ARHGAP19: variants seen among roughly 807,000 people sequenced by gnomAD.
ARHGAP19 encodes rho GTPase-activating protein 19.
In ARHGAP19, 48 loss-of-function variants were observed where a neutral mutation model predicts 60.9. The ratio of observed to expected loss-of-function variants is 0.79; its 90% confidence interval spans 0.62 to 1.00. The LOEUF (loss-of-function observed/expected upper bound fraction) is 1.00, where lower values mean the gene tolerates loss of function less well. ARHGAP19 is among the 50% of genes least tolerant of loss of function. The pLI is 0.00. For missense variants in ARHGAP19, 562 were observed against 597.2 expected, an observed-to-expected ratio of 0.94 and a Z score of 0.61; for synonymous variants, 209 against 215.5, an observed-to-expected ratio of 0.97 and a Z score of 0.27.
intron 6 of ARHGAP19, among the ~76,000 whole-genome samples, chr10:97,254,661 C>A (rs1403773038): frequency 6.6e-6 from 1 of 152,004 alleles, no homozygotes; most frequent in Non-Finnish European, 1.5e-5. Context: ...AAGGCACAGG[C>A]AACAAGAGAA....
Position 97,265,957 on chromosome 10 carries a change from C to T in ARHGAP19, c.225G>A (p.Glu75=), listed in dbSNP as rs1842893280. 2 of 1,614,042 alleles carry T rather than the reference C, an allele frequency of 1.2e-6. No homozygotes were observed. The highest frequency in any genetic ancestry group is 1.7e-6 in the Non-Finnish European group (2 of 1,180,036). ...ITRLIDLPGT[E]LAQLMGEVDL... ...CCACTTCCCCCATCAGCTGAGCCAA[C>T]TCAGTTCCAGGTAAATCGATGAGCC... The change falls in exon 2 of 12, where the codon GAG becomes GAA. Residue 75 remains glutamate, a synonymous_variant. Transcript: ENST00000358531.
At position 97,244,096 on chromosome 10, in the gene ARHGAP19, G is replaced by A. The variant is rs41284266; in HGVS notation, c.1057C>T (p.Arg353Trp). The change falls in exon 8 of 12, where the codon CGG becomes TGG. Residue 353 changes from arginine to tryptophan, a missense_variant. Arg to Trp is a moderately radical substitution (Grantham distance 101, BLOSUM62 -3). Transcript: ENST00000358531. ...KSFQLAKSQK[R>W]NRVDSCPHQE... ...TGAGGGCAGGAATCTACCCGGTTCC[G>A]TTTCTGAGACTTTGCCAGCTGAAAG... The A allele has an allele frequency of 2.1e-4, 342 of 1,613,932 alleles. 5 individuals are homozygous for A. In the South Asian group the frequency reaches 3.5e-3, roughly 17 times the overall value.
chr10:97,244,221 T>C (rs1429556525), intron 7 of ARHGAP19, 62 bp from the exon 8 acceptor site: 5 of 1,413,076 alleles, frequency 3.5e-6, no homozygotes, highest in East Asian at 2.3e-5. Flanking sequence ...TTGGGGTTCT[T>C]ACAAAAACCT....
chr10:97,257,027 A>G (rs1001617277), intron 5 of ARHGAP19, among the ~76,000 whole-genome samples: 22 of 152,122 alleles, frequency 1.4e-4, no homozygotes, highest in African/African-American at 5.1e-4. Context: ...AGGCTGAGGC[A>G]GGAGAATGGC....
Position 97,241,775 on chromosome 10 carries a change from C to T in ARHGAP19, c.1185+2193G>A, listed in dbSNP as rs571611842. ...CTATAATCCCAGCACTTTGGGAGGCCGAGGTGGGCGGATCACAAGGTTAGG... is the reference window on the plus strand; with the variant it reads ...CTATAATCCCAGCACTTTGGGAGGCTGAGGTGGGCGGATCACAAGGTTAGG... On this transcript the variant is annotated intron_variant, in intron 8 of 11. Transcript: ENST00000358531. Among the ~76,000 whole-genome samples the T allele has an allele frequency of 1.2e-3, 179 of 151,550 alleles. 1 individual carries two copies. Among genetic ancestry groups the T allele is most frequent in the African/African-American group, 4.2e-3 (174 of 41,278 alleles).
Position 97,259,783 on chromosome 10 carries a change from A to C in ARHGAP19, c.614-155T>G, listed in dbSNP as rs537691416. On this transcript the variant is annotated intron_variant, in intron 4 of 11. Coordinates refer to ENST00000358531, the MANE Select transcript of ARHGAP19 (RefSeq NM_032900.6). ...TCAAAGACTACAGCAAAACATAATA[A>C]CAAAATAATGTCAATGCAATTCAAC... 5.1e-4 allele frequency among the ~76,000 whole-genome samples: 78 copies of C among 152,208 alleles called. 1 individual carries two copies. Among genetic ancestry groups the C allele is most frequent in the African/African-American group, 1.9e-3 (77 of 41,522 alleles).
chr10:97,239,589 T>C (rs1842444602), intron 8 of ARHGAP19, among the ~76,000 whole-genome samples: 2 of 136,632 alleles, frequency 1.5e-5, no homozygotes, highest in South Asian at 4.7e-4. Context: ...TGTGTGTGTG[T>C]GTGTGTGTGT....
intron 1 of ARHGAP19, among the ~76,000 whole-genome samples, chr10:97,271,312 C>T (rs548153526): frequency 6.6e-6 from 1 of 151,780 alleles, no homozygotes; most frequent in Non-Finnish European, 1.5e-5. Context: ...TTTGAACGTA[C>T]TATCCATTCA....
At position 97,229,664 on chromosome 10, in the gene ARHGAP19, G is replaced by A; in HGVS notation, c.1395+100C>T. On this transcript the variant is annotated intron_variant, in intron 10 of 11. Coordinates refer to ENST00000358531, the MANE Select transcript of ARHGAP19 (RefSeq NM_032900.6). Reference sequence around the variant, plus strand: ...AGGATTGAGAAAAAGCCATTTGAATGGCCCAAAGAAACACAGTAAAACAGA... The same window carrying A: ...AGGATTGAGAAAAAGCCATTTGAATAGCCCAAAGAAACACAGTAAAACAGA... The A allele has an allele frequency of 5.7e-6, 5 of 875,802 alleles. No homozygotes were observed. In the East Asian group the frequency reaches 1.2e-4, roughly 21 times the overall value. 54.3% of individuals were successfully genotyped at this position (875,802 alleles called of 1,614,324 possible).
intron 6 of ARHGAP19, among the ~76,000 whole-genome samples, chr10:97,253,664 A>T (rs1842719288): frequency 6.6e-6 from 1 of 152,326 alleles, no homozygotes; most frequent in South Asian, 2.1e-4. Context: ...AACACATAGA[A>T]ATGACAACTA....
intron 5 of ARHGAP19, among the ~76,000 whole-genome samples, chr10:97,257,088 T>C (rs1842764875): frequency 6.6e-6 from 1 of 151,998 alleles, no homozygotes; most frequent in African/African-American, 2.4e-5. Context: ...ACCACTGCAC[T>C]CCAGCCTGGG....
In ARHGAP19 at chr10:97,223,848, A is replaced by C. The variant is rs1850849942; in HGVS notation, c.*2274T>G. The C allele has an allele frequency of 6.6e-6, 1 of 152,204 alleles. No homozygotes were observed. The highest frequency in any genetic ancestry group is 2.1e-4 in the South Asian group (1 of 4,828). The allele number at this position is 152,204 out of a possible 1,614,324, so 9.4% of individuals were successfully genotyped here. A position where few individuals can be genotyped will look rare whatever the true frequency, so the allele number is the denominator to read the frequency against. On this transcript the variant is annotated 3_prime_UTR_variant, in exon 12 of 12. Transcript: ENST00000358531. ...TAGAAGGTTATGCTGCTTACTCCTCAAATTTGGATTCTAAGTCGATCACAG... is the reference window on the plus strand; with the variant it reads ...TAGAAGGTTATGCTGCTTACTCCTCCAATTTGGATTCTAAGTCGATCACAG...
chr10:97,286,522 G>T (rs889908819), intron 1 of ARHGAP19, among the ~76,000 whole-genome samples: 7 of 152,324 alleles, frequency 4.6e-5, no homozygotes, highest in Non-Finnish European at 7.3e-5. Context: ...AACCCAGAAG[G>T]CGGAGGTTGC....
intron 6 of ARHGAP19, among the ~76,000 whole-genome samples, chr10:97,252,866 A>T (rs571727411): frequency 6.6e-6 from 1 of 152,292 alleles, no homozygotes; most frequent in African/African-American, 2.4e-5. Flanking sequence ...TGTTTATTGC[A>T]GCACTATTCA....
chr10:97,233,992 C>T (rs893867857), intron 9 of ARHGAP19, among the ~76,000 whole-genome samples: 3 of 151,572 alleles, frequency 2.0e-5, no homozygotes, highest in Non-Finnish European at 2.9e-5. Flanking sequence ...GCTGGCCAGA[C>T]GCAATGGCTT....
chr10:97,262,358 T>C (rs1842841578), intron 4 of ARHGAP19, among the ~76,000 whole-genome samples: 1 of 152,000 alleles, frequency 6.6e-6, no homozygotes, highest in African/African-American at 2.4e-5. Context: ...AAACAAATAA[T>C]AATTTTTAAA....
chr10:97,263,996 G>A (rs964066309), intron 3 of ARHGAP19, among the ~76,000 whole-genome samples: 1 of 152,142 alleles, frequency 6.6e-6, no homozygotes, highest in Non-Finnish European at 1.5e-5. Context: ...CCCAGACTTC[G>A]TTTGGAGGGG....
chr10:97,232,252 C>T (rs1290314826), intron 9 of ARHGAP19, among the ~76,000 whole-genome samples: 2 of 150,184 alleles, frequency 1.3e-5, no homozygotes, highest in Non-Finnish European at 1.5e-5. Context: ...CAACCTCTGC[C>T]TCCTGGGTTC....
intron 6 of ARHGAP19, among the ~76,000 whole-genome samples, chr10:97,251,035 TG>T (rs1370355224): frequency 7.1e-6 from 1 of 139,930 alleles, no homozygotes; most frequent in Non-Finnish European, 1.5e-5. Flanking sequence ...CACTCCAGCC[TG>T]GGGGGCAGAG....
Sources: allele counts gnomAD v4.1 joint callset (sites outside exome capture counted in the v4.1 genomes callset), GRCh38; gene constraint gnomAD v4.1.1; transcripts MANE v1.5; gene names NCBI Gene and HGNC (gene_info 2026-07-23, HGNC 2026-07-21).